MBD5: variants seen among roughly 807,000 people sequenced by gnomAD.
MBD5 encodes the protein methyl-CpG-binding domain protein 5.
Under a neutral mutation model 117.3 loss-of-function variants are expected in MBD5, and 13 were observed. That is an observed-to-expected ratio of 0.11 (90% CI 0.07 to 0.18). The LOEUF is 0.18. Among genes scored for constraint, MBD5 ranks in the 10% least tolerant of loss-of-function variants. The pLI is 1.00. For synonymous variants in MBD5, 727 were observed against 766.4 expected (o/e 0.95, Z 0.85); for missense variants, 1,879 against 2,093.8 (o/e 0.90, Z 2.00).
intron 1 of MBD5, among the ~76,000 whole-genome samples, chr2:148,047,049 A>G (rs1445927761): frequency 6.6e-6 from 1 of 152,042 alleles, no homozygotes; most frequent in Non-Finnish European, 1.5e-5. Flanking sequence ...GGCTTTATTC[A>G]CATGCTGTCT....
chr2:148,152,938 C>T (rs1270506628), intron 1 of MBD5, among the ~76,000 whole-genome samples: 4 of 151,816 alleles, frequency 2.6e-5, no homozygotes, highest in African/African-American at 9.7e-5. Flanking sequence ...AGTCCATTTA[C>T]ATTTAAAGTT....
intron 1 of MBD5, among the ~76,000 whole-genome samples, chr2:148,159,523 C>T (rs904054353): frequency 1.3e-5 from 2 of 151,486 alleles, no homozygotes; most frequent in South Asian, 2.1e-4. Context: ...TGAGCTCAAG[C>T]GATCCACCTG....
intron 3 of MBD5, among the ~76,000 whole-genome samples, chr2:148,275,518 C>T (rs1390294075): frequency 6.6e-6 from 1 of 152,168 alleles, no homozygotes. Context: ...AGTCTTGTAT[C>T]CCAAAGCAGT....
chr2:148,091,356 A>G (rs1695935388), intron 1 of MBD5, among the ~76,000 whole-genome samples: 1 of 152,082 alleles, frequency 6.6e-6, no homozygotes, highest in Non-Finnish European at 1.5e-5. Context: ...CCAAAGCAAG[A>G]CTAAGCAAAA....
chr2:148,317,231 T>C (rs1476525661), intron 3 of MBD5, among the ~76,000 whole-genome samples: 1 of 151,926 alleles, frequency 6.6e-6, no homozygotes, highest in Non-Finnish European at 1.5e-5. Flanking sequence ...TAGCCAGGCA[T>C]GGTGGCGCAT....
intron 2 of MBD5, among the ~76,000 whole-genome samples, chr2:148,228,018 A>G (rs1219255797): frequency 6.6e-6 from 1 of 152,154 alleles, no homozygotes; most frequent in East Asian, 1.9e-4. Context: ...GGGCTGAGAC[A>G]ATGTGGTTTT....
At chr2:148,201,175 G>A (rs1045263692) in intron 2 of MBD5, among the ~76,000 whole-genome samples, 4 of 152,178 alleles carry the variant, frequency 2.6e-5, no homozygotes, top group African/African-American at 9.6e-5. Context: ...GGATCCCACG[G>A]CTCCTGCAAC....
At chr2:148,485,627 T>C in intron 9 of MBD5, 115 bp from the exon 10 acceptor site, 1 of 778,602 alleles carries the variant, frequency 1.3e-6, no homozygotes, top group Non-Finnish European at 2.2e-6. Context: ...AAGAAAAGCA[T>C]TACCCAAGTA....
chr2:148,438,400 C>A (rs1706217487), intron 4 of MBD5, among the ~76,000 whole-genome samples: 1 of 152,138 alleles, frequency 6.6e-6, no homozygotes, highest in Admixed American at 6.6e-5. Flanking sequence ...TCTGCTTTCA[C>A]ACACCAATAA....
Position 148,442,258 on chromosome 2 carries a change from C to T in MBD5, c.-556-15945C>T, listed in dbSNP as rs185081589. On this transcript the variant is annotated intron_variant, in intron 4 of 13. Transcript: ENST00000642680. ...CTCAGTGCTGAGGGCTTGGTATATG[C>T]CTACTGATTAATAGTGTTCATCATT... 1.0e-3 allele frequency among the ~76,000 whole-genome samples: 151 copies of T among 151,484 alleles called. 9 individuals carry two copies. Among genetic ancestry groups the T allele is most frequent in the African/African-American group, 3.4e-3 (140 of 40,836 alleles).
chr2:148,238,289 G>C (rs1027148357), intron 3 of MBD5, among the ~76,000 whole-genome samples: 2 of 152,036 alleles, frequency 1.3e-5, no homozygotes, highest in Non-Finnish European at 2.9e-5. Flanking sequence ...TTATACCAAT[G>C]GTTATTAATC....
At chr2:148,447,202 A>AGAAAGAAAGAAAGAAAGAAG (rs1559075671) in intron 4 of MBD5, among the ~76,000 whole-genome samples, 20 of 11,264 alleles carry the variant, frequency 1.8e-3, no homozygotes, top group African/African-American at 1.9e-3. Context: ...AAAGAAAGAA[A>AGAAAGAAAGAAAGAAAGAAG]GAAAGAAAGA....
chr2:148,175,456 T>C (rs534745464), intron 1 of MBD5, among the ~76,000 whole-genome samples: 61 of 152,284 alleles, frequency 4.0e-4, no homozygotes, highest in African/African-American at 1.4e-3. Context: ...TTATATTATT[T>C]AGATTGCACA....
chr2:148,319,593 A>T (rs1048203508), intron 3 of MBD5, among the ~76,000 whole-genome samples: 1 of 152,296 alleles, frequency 6.6e-6, no homozygotes, highest in Admixed American at 6.5e-5. Flanking sequence ...TGATATCTGT[A>T]TGGTAATTTT....
At chr2:148,202,364 T>TG in intron 2 of MBD5, among the ~76,000 whole-genome samples, 1 of 152,224 alleles carries the variant, frequency 6.6e-6, no homozygotes, top group South Asian at 2.1e-4. Context: ...TCCAAGTTGA[T>TG]GGAAGTGGTG....
chr2:148,442,343 A>G (rs67201811), intron 4 of MBD5, among the ~76,000 whole-genome samples: 36,929 of 150,822 alleles, frequency 0.24, 5,778 homozygotes, highest in African/African-American at 0.39. Flanking sequence ...GCTATGGGGG[A>G]AAAAGTGACA....
chr2:148,252,635 G>A (rs563335263), intron 3 of MBD5, among the ~76,000 whole-genome samples: 38 of 152,154 alleles, frequency 2.5e-4, no homozygotes, highest in African/African-American at 8.4e-4. Flanking sequence ...CTGCAGCCTC[G>A]ACCTCCCAGG....
intron 2 of MBD5, among the ~76,000 whole-genome samples, chr2:148,179,204 A>C (rs1336824118): frequency 6.6e-6 from 1 of 151,962 alleles, no homozygotes; most frequent in Non-Finnish European, 1.5e-5. Context: ...AATACAAAAA[A>C]ATTAGGCGGG....
intron 4 of MBD5, among the ~76,000 whole-genome samples, chr2:148,362,294 G>T (rs1194238563): frequency 6.6e-6 from 1 of 152,170 alleles, no homozygotes; most frequent in Non-Finnish European, 1.5e-5. Flanking sequence ...GTGGAGCTTG[G>T]TGGGGGGAGG....
Sources: allele counts gnomAD v4.1 joint callset (sites outside exome capture counted in the v4.1 genomes callset), GRCh38; gene constraint gnomAD v4.1.1; transcripts MANE v1.5; gene names NCBI Gene and HGNC (gene_info 2026-07-23, HGNC 2026-07-21).